TRAPPC9: variants seen among roughly 807,000 people sequenced by gnomAD.
TRAPPC9 encodes the protein IKK2 binding protein.
TRAPPC9 carries 83 observed loss-of-function variants against 124.0 expected under a neutral mutation model. The ratio of observed to expected loss-of-function variants is 0.67; its 90% CI spans 0.56 to 0.80. TRAPPC9 has a LOEUF of 0.80. TRAPPC9 is among the 30% of genes least tolerant of loss of function. The pLI is 0.00. For synonymous variants in TRAPPC9, 638 were observed against 617.5 expected (o/e 1.03, Z -0.49); for missense variants, 1,302 against 1,508.3 (o/e 0.86, Z 2.27).
intron 11 of TRAPPC9, among the ~76,000 whole-genome samples, chr8:140,299,320 C>T (rs373077813): frequency 1.5e-3 from 230 of 152,130 alleles, no homozygotes; most frequent in African/African-American, 5.1e-3. Context: ...GGTCAGGGAG[C>T]GCCTGCAGTC....
intron 7 of TRAPPC9, among the ~76,000 whole-genome samples, chr8:140,390,046 G>T (rs2068880435): frequency 6.6e-6 from 1 of 152,196 alleles, no homozygotes; most frequent in African/African-American, 2.4e-5. Context: ...GCTCATGCCT[G>T]TAATCCCAGC....
chr8:139,918,314 T>C (rs1832277337), intron 19 of TRAPPC9, among the ~76,000 whole-genome samples: 1 of 152,238 alleles, frequency 6.6e-6, no homozygotes, highest in Non-Finnish European at 1.5e-5. Context: ...CTGAGCACTC[T>C]GCTTCCTCGA....
At chr8:139,968,751 C>T (rs1835875929) in intron 19 of TRAPPC9, among the ~76,000 whole-genome samples, 1 of 152,206 alleles carries the variant, frequency 6.6e-6, no homozygotes, top group Admixed American at 6.5e-5. Flanking sequence ...CCAACTTGTC[C>T]TCATCCCGGC....
chr8:140,168,374 CA>C (rs11295962), intron 17 of TRAPPC9, among the ~76,000 whole-genome samples: 116,549 of 152,062 alleles, frequency 0.77, 45,411 homozygotes, highest in East Asian at 1. Context: ...TTTTTTAACC[CA>C]AAAAGGAAAC....
At position 140,018,908 on chromosome 8, in the gene TRAPPC9, C is replaced by T. The variant is rs192345883; in HGVS notation, c.2699+5029G>A. On this transcript the variant is annotated intron_variant, in intron 18 of 22. Coordinates refer to ENST00000438773, the MANE Select transcript of TRAPPC9 (RefSeq NM_001160372.4). ...TATTCTTAGAGAAAAAGTCATCAGA[C>T]TTTCACCTCTAAGTATAACATTAAC... is the stretch of plus-strand genomic sequence containing the variant. 3.0e-3 allele frequency among the ~76,000 whole-genome samples: 457 copies of T among 152,296 alleles called. 1 individual carries two copies. Among genetic ancestry groups the T allele is most frequent in the African/African-American group, 0.011 (447 of 41,572 alleles).
chr8:140,321,804 TAGG>T (rs796514524), intron 9 of TRAPPC9, among the ~76,000 whole-genome samples: 49 of 152,154 alleles, frequency 3.2e-4, no homozygotes, highest in African/African-American at 1.2e-3. Context: ...GCAGGACAGC[TAGG>T]AGGACAGTCC....
intron 21 of TRAPPC9, among the ~76,000 whole-genome samples, chr8:139,770,946 T>A (rs1226560104): frequency 6.6e-6 from 1 of 152,128 alleles, no homozygotes; most frequent in Non-Finnish European, 1.5e-5. Flanking sequence ...CGTCTGGGCT[T>A]CTGGGACCCT....
intron 2 of TRAPPC9, 88 bp from the exon 3 acceptor site, chr8:140,439,285 A>G (rs556225675): frequency 6.9e-7 from 1 of 1,458,792 alleles, no homozygotes; most frequent in African/African-American, 1.4e-5. Context: ...TTCTCTCACT[A>G]CTAAAAATGC....
intron 21 of TRAPPC9, among the ~76,000 whole-genome samples, chr8:139,783,738 ATT>A (rs1821992383): frequency 6.6e-6 from 1 of 152,232 alleles, no homozygotes; most frequent in African/African-American, 2.4e-5. Context: ...AGATTAAAAC[ATT>A]CTTACAAGGT....
At chr8:140,026,948 C>A (rs866526727) in intron 17 of TRAPPC9, among the ~76,000 whole-genome samples, 12 of 152,240 alleles carry the variant, frequency 7.9e-5, no homozygotes, top group African/African-American at 2.9e-4. Flanking sequence ...CCTTTACTCC[C>A]AAGCACCGCC....
At chr8:139,939,309 A>C (rs2614715) in intron 19 of TRAPPC9, among the ~76,000 whole-genome samples, 135,922 of 152,256 alleles carry the variant, frequency 0.89, 60,792 homozygotes, top group Middle Eastern at 0.99. Context: ...CAGGGCCCTG[A>C]GGTGAGTGGA....
At chr8:139,854,929 G>A (rs1409828993) in intron 21 of TRAPPC9, among the ~76,000 whole-genome samples, 4 of 152,188 alleles carry the variant, frequency 2.6e-5, no homozygotes, top group African/African-American at 9.7e-5. Context: ...CCCCTTCCTG[G>A]CTTGAAGCGA....
chr8:140,393,673 C>T (rs932012493), intron 7 of TRAPPC9, among the ~76,000 whole-genome samples: 1 of 152,174 alleles, frequency 6.6e-6, no homozygotes, highest in Non-Finnish European at 1.5e-5. Flanking sequence ...CTGCAATAAT[C>T]ATATCTCAGT....
At chr8:140,030,767 A>G (rs1840451019) in intron 17 of TRAPPC9, among the ~76,000 whole-genome samples, 1 of 152,264 alleles carries the variant, frequency 6.6e-6, no homozygotes, top group African/African-American at 2.4e-5. Context: ...ACAAGAGTGC[A>G]TACCATTGCT....
intron 21 of TRAPPC9, among the ~76,000 whole-genome samples, chr8:139,796,630 C>G (rs937127506): frequency 6.6e-6 from 1 of 152,202 alleles, no homozygotes; most frequent in Admixed American, 6.5e-5. Context: ...TATGGCTATG[C>G]CACATTTTGT....
intron 21 of TRAPPC9, among the ~76,000 whole-genome samples, chr8:139,737,066 G>A (rs889583630): frequency 6.6e-6 from 1 of 152,202 alleles, no homozygotes; most frequent in Admixed American, 6.5e-5. Flanking sequence ...CTAAACTGCC[G>A]CTGGGGGACA....
intron 21 of TRAPPC9, among the ~76,000 whole-genome samples, chr8:139,860,535 T>C (rs1417157517): frequency 1.3e-5 from 2 of 152,214 alleles, no homozygotes; most frequent in Non-Finnish European, 2.9e-5. Context: ...AAAGAGGCTC[T>C]GACAGTCCTC....
chr8:140,206,830 C>T (rs1257551672), intron 17 of TRAPPC9, among the ~76,000 whole-genome samples: 1 of 151,926 alleles, frequency 6.6e-6, no homozygotes, highest in African/African-American at 2.4e-5. Context: ...GCTTAGAATG[C>T]CTTTCCACCA....
At chr8:140,035,531 C>A (rs926618284) in intron 17 of TRAPPC9, among the ~76,000 whole-genome samples, 1 of 152,218 alleles carries the variant, frequency 6.6e-6, no homozygotes. Flanking sequence ...AGGTGGCCGG[C>A]CCCTGCCAGA....
Sources: gnomAD v4.1 joint callset for allele counts (sites outside exome capture counted in the v4.1 genomes callset) on GRCh38, gnomAD v4.1.1 for gene constraint, MANE v1.5 for transcripts, NCBI Gene and HGNC (gene_info 2026-07-23, HGNC 2026-07-21) for gene names.